The following COL14A1 variants were observed in gnomAD, a reference collection of about 807,000 sequenced individuals.
The protein encoded by COL14A1 is collagen type XIV alpha 1 chain, also known as collagen alpha-1(XIV) chain.
A neutral mutation model predicts 230.3 loss-of-function variants in COL14A1; 136 were observed. The observed-to-expected ratio is 0.59, with a 90% confidence interval of 0.51 to 0.68. COL14A1 has a LOEUF of 0.68. COL14A1 is among the 30% of genes least tolerant of loss of function. The pLI is 0.00. For missense variants in COL14A1, 1,976 were observed against 2,215.8 expected (o/e 0.89, Z 2.17); for synonymous variants, 792 against 784.1 (o/e 1.01, Z -0.17).
chr8:120,344,276 C>T (rs1822419775), intron 44 of COL14A1, among the ~76,000 whole-genome samples: 1 of 152,210 alleles, frequency 6.6e-6, no homozygotes, highest in South Asian at 2.1e-4. Flanking sequence ...CTCTGGGATC[C>T]TTATTGTATT....
chr8:120,177,477 C>T (rs954888301), intron 5 of COL14A1, among the ~76,000 whole-genome samples: 2 of 151,654 alleles, frequency 1.3e-5, no homozygotes, highest in African/African-American at 2.4e-5. Flanking sequence ...GGCGAAACCT[C>T]GCTTCTGGTA....
intron 3 of COL14A1, among the ~76,000 whole-genome samples, chr8:120,161,597 C>T (rs1041045664): frequency 2.6e-5 from 4 of 152,172 alleles, no homozygotes; most frequent in Admixed American, 2.0e-4. Context: ...TGCTTTGACT[C>T]ACTTTAGAGA....
At chr8:120,219,565 C>T (rs1303635442) in intron 14 of COL14A1, among the ~76,000 whole-genome samples, 1 of 152,156 alleles carries the variant, frequency 6.6e-6, no homozygotes, top group Non-Finnish European at 1.5e-5. Flanking sequence ...CTCCCATGGG[C>T]CTCTCTAATG....
intron 2 of COL14A1, among the ~76,000 whole-genome samples, chr8:120,157,333 A>T (rs757613998): frequency 6.6e-6 from 1 of 152,198 alleles, no homozygotes; most frequent in Non-Finnish European, 1.5e-5. Context: ...TTTTTAAATG[A>T]ATATCTTATT....
At chr8:120,266,294 C>T (rs1293350875) in intron 24 of COL14A1, among the ~76,000 whole-genome samples, 1 of 152,152 alleles carries the variant, frequency 6.6e-6, no homozygotes, top group East Asian at 1.9e-4. Flanking sequence ...CCCAAACACA[C>T]TTTAGCCTGC....
intron 1 of COL14A1, among the ~76,000 whole-genome samples, chr8:120,145,020 G>A (rs1424236450): frequency 6.6e-6 from 1 of 152,008 alleles, no homozygotes; most frequent in Admixed American, 6.6e-5. Flanking sequence ...AAGTATATAT[G>A]AGTTAAAATT....
chr8:120,360,267 G>A (rs1286377169), intron 45 of COL14A1, among the ~76,000 whole-genome samples: 1 of 152,206 alleles, frequency 6.6e-6, no homozygotes, highest in Non-Finnish European at 1.5e-5. Flanking sequence ...GGAACCTGAA[G>A]CTTACGACTT....
chr8:120,145,184 G>A (rs561645636), intron 1 of COL14A1, among the ~76,000 whole-genome samples: 3 of 152,304 alleles, frequency 2.0e-5, no homozygotes, highest in African/African-American at 4.8e-5. Flanking sequence ...CATTTTACCT[G>A]TAAAATCAGA....
At chr8:120,127,620 C>G (rs547153636) in intron 1 of COL14A1, among the ~76,000 whole-genome samples, 2 of 152,232 alleles carry the variant, frequency 1.3e-5, no homozygotes, top group African/African-American at 2.4e-5. Flanking sequence ...TTGAGGGGCT[C>G]TAGGGAAAGC....
rs564443445 is a variant in COL14A1, at chr8:120,231,401, C to A, written c.2198-66C>A. On this transcript the variant is annotated intron_variant, in intron 18 of 47. Transcript: ENST00000297848. ...TGCTTGCTGTCACCCCACAGGTATT[C>A]TCTGTGGCTCATTTTGGAATATGAT... 3.1e-5 allele frequency: 47 copies of A among 1,518,614 alleles called. No homozygotes were observed. The East Asian group carries it at 1.0e-3, about 33-fold the overall frequency. 94.1% of individuals were successfully genotyped at this position (1,518,614 alleles called of 1,614,324 possible).
At position 120,266,846 on chromosome 8, in the gene COL14A1, A is replaced by G. The variant is rs746485349; in HGVS notation, c.3036A>G (p.Pro1012=). The change falls in exon 25 of 48, where the codon CCA becomes CCG. Residue 1012 remains proline, a synonymous_variant. Transcript: ENST00000297848. ...TTACAGAATCACTTCCTACACGACC[A>G]CCAACTTTTCCTCCAACCATTCCAC... The part of the protein sequence containing the change: ...MEKTQSLPTR[P]PTFPPTIPPA... 8 of 1,612,278 alleles carry G rather than the reference A, an allele frequency of 5.0e-6. No individual in the cohort carries two copies. The African/African-American group carries it at 1.1e-4, about 22-fold the overall frequency.
At chr8:120,364,342 A>G (rs916225517) in intron 45 of COL14A1, among the ~76,000 whole-genome samples, 2 of 152,220 alleles carry the variant, frequency 1.3e-5, no homozygotes, top group Non-Finnish European at 2.9e-5. Context: ...TACCAGGCTT[A>G]TCAAAAATAT....
At chr8:120,159,028 G>A (rs1815571866) in intron 3 of COL14A1, among the ~76,000 whole-genome samples, 1 of 152,112 alleles carries the variant, frequency 6.6e-6, no homozygotes, top group Admixed American at 6.5e-5. Flanking sequence ...TGTGATTCAG[G>A]CAAGTTAATG....
In COL14A1 at chr8:120,278,481, AG is replaced by A; in HGVS notation, c.3386del (p.Gly1129ValfsTer13). ...GAGATACCTTGTTCACTGCAGAGTCAGGTACAAGAAGGGGCATCCCAAAGGT... is the reference window on the plus strand; with the variant it reads ...GAGATACCTTGTTCACTGCAGAGTCAGTACAAGAAGGGGCATCCCAAAGGT... ...VRDTLFTAESGTRRGIPKVIV... is the reference protein window; with the variant it reads ...VRDTLFTAESXTRRGIPKVIV... On this transcript the variant is annotated frameshift_variant, in exon 28 of 48. Coordinates refer to ENST00000297848, the MANE Select transcript of COL14A1 (RefSeq NM_021110.4). LOFTEE classifies it high-confidence loss of function. The A allele has an allele frequency of 6.2e-7, 1 of 1,613,238 alleles. No individual in the cohort carries two copies. The highest frequency in any genetic ancestry group is 8.5e-7 in the Non-Finnish European group (1 of 1,179,516).
intron 1 of COL14A1, among the ~76,000 whole-genome samples, chr8:120,144,576 G>A (rs1423702336): frequency 2.0e-5 from 3 of 152,150 alleles, no homozygotes; most frequent in East Asian, 1.9e-4. Flanking sequence ...CTCAACTACC[G>A]TTAATATTCT....
At chr8:120,341,598 T>C (rs1822300750) in intron 43 of COL14A1, among the ~76,000 whole-genome samples, 1 of 152,190 alleles carries the variant, frequency 6.6e-6, no homozygotes, top group Non-Finnish European at 1.5e-5. Flanking sequence ...TCCAGGTCAA[T>C]GAACTTGGGC....
intron 13 of COL14A1, among the ~76,000 whole-genome samples, chr8:120,214,956 A>T (rs1817707199): frequency 6.6e-6 from 1 of 152,248 alleles, no homozygotes. Context: ...AGGCAAGTGC[A>T]GTGGCCTATG....
At chr8:120,322,080 A>G (rs1190417192) in intron 40 of COL14A1, among the ~76,000 whole-genome samples, 2 of 151,904 alleles carry the variant, frequency 1.3e-5, no homozygotes, top group South Asian at 2.1e-4. Flanking sequence ...TTATATTTAT[A>G]TATATACACA....
rs190288030 is a variant in COL14A1 at position 120,355,312 on chromosome 8, A to T, written c.5077+9749A>T. ...ACTGGTATCTTGAGCCATATATTAA[A>T]CAAGTCAACAATAAGTTTGTTGGTT... is the stretch of plus-strand genomic sequence containing the variant. On this transcript the variant is annotated intron_variant, in intron 45 of 47. Coordinates refer to ENST00000297848, the MANE Select transcript of COL14A1 (RefSeq NM_021110.4). Among the ~76,000 whole-genome samples the T allele has an allele frequency of 4.9e-3, 743 of 152,316 alleles. 3 individuals are homozygous for T. The highest frequency in any genetic ancestry group is 8.4e-3 in the Non-Finnish European group (571 of 68,024).
Sources: gnomAD v4.1 joint callset for allele counts (sites outside exome capture counted in the v4.1 genomes callset) on GRCh38, gnomAD v4.1.1 for gene constraint, MANE v1.5 for transcripts, NCBI Gene and HGNC (gene_info 2026-07-23, HGNC 2026-07-21) for gene names.